Variants in MYPN observed in about 807,000 individuals in gnomAD.
MYPN encodes the protein myopalladin.
A neutral mutation model predicts 129.4 loss-of-function variants in MYPN; 63 were observed. The observed-to-expected ratio is 0.49, with a 90% CI of 0.40 to 0.60. MYPN has a LOEUF of 0.60. Among genes scored for constraint, MYPN ranks in the 20% least tolerant of loss-of-function variants. The pLI is 0.00. For missense variants in MYPN, 1,596 were observed against 1,635.4 expected (o/e 0.98, Z 0.42); for synonymous variants, 629 against 600.9 (o/e 1.05, Z -0.68).
intron 1 of MYPN, among the ~76,000 whole-genome samples, chr10:68,096,583 A>G (rs903562028): frequency 6.6e-6 from 1 of 152,194 alleles, no homozygotes; most frequent in African/African-American, 2.4e-5. Context: ...AGTATTATTA[A>G]TAATATTTGG....
intron 2 of MYPN, among the ~76,000 whole-genome samples, chr10:68,133,610 CAT>C (rs2042443479): frequency 6.6e-6 from 1 of 151,908 alleles, no homozygotes; most frequent in South Asian, 2.1e-4. Context: ...ACTGTTGCAG[CAT>C]AAGGAACTCT....
At chr10:68,165,612 A>G (rs906370681) in intron 8 of MYPN, 90 bp from the exon 9 acceptor site, 39 of 990,364 alleles carry the variant, frequency 3.9e-5, no homozygotes, top group Non-Finnish European at 5.7e-5. Flanking sequence ...TTTTATATTG[A>G]CTTTGTAGAA....
chr10:68,198,133 T>G (rs2043642197), intron 16 of MYPN, among the ~76,000 whole-genome samples: 1 of 152,244 alleles, frequency 6.6e-6, no homozygotes, highest in South Asian at 2.1e-4. Flanking sequence ...CTAAGCCTTT[T>G]AAGAATTCTA....
chr10:68,185,991 G>C (rs1291051600), intron 12 of MYPN, among the ~76,000 whole-genome samples: 2 of 152,156 alleles, frequency 1.3e-5, no homozygotes, highest in African/African-American at 4.8e-5. Flanking sequence ...CTACAAAAAT[G>C]TCAGTTTCAC....
intron 8 of MYPN, among the ~76,000 whole-genome samples, chr10:68,164,378 C>T (rs763093697): frequency 6.6e-6 from 1 of 152,200 alleles, no homozygotes; most frequent in African/African-American, 2.4e-5. Context: ...AGGGCAGAGG[C>T]ATCATGACCT....
rs746974707 is a variant in MYPN at position 68,211,960 on chromosome 10, T to A, written c.*1505T>A. The A allele has an allele frequency of 2.7e-6, 1 of 367,432 alleles. No individual in the cohort carries two copies. The highest frequency in any genetic ancestry group is 2.0e-5 in the South Asian group (1 of 49,210). The allele number at this position is 367,432 out of a possible 1,614,324, so 22.8% of individuals were successfully genotyped here. On this transcript the variant is annotated 3_prime_UTR_variant, in exon 20 of 20. Coordinates refer to ENST00000358913, the MANE Select transcript of MYPN (RefSeq NM_032578.4). ...GTAACTGCTTAGAAAGGCTTGAAACTGTCTTCACTTCAAGGCAAGGATTTC... is the reference window on the plus strand; with the variant it reads ...GTAACTGCTTAGAAAGGCTTGAAACAGTCTTCACTTCAAGGCAAGGATTTC...
At chr10:68,146,766 T>C (rs1283164876) in intron 4 of MYPN, among the ~76,000 whole-genome samples, 1 of 152,202 alleles carries the variant, frequency 6.6e-6, no homozygotes, top group Non-Finnish European at 1.5e-5. Context: ...AGGTCATCTC[T>C]CTTAAAATGC....
intron 2 of MYPN, among the ~76,000 whole-genome samples, chr10:68,135,797 G>C (rs894563379): frequency 6.6e-6 from 1 of 152,154 alleles, no homozygotes; most frequent in Non-Finnish European, 1.5e-5. Context: ...AAACAAATGA[G>C]ATAATTTTAG....
chr10:68,118,885 G>GGAAGGAAGGAAT (rs935383936), intron 1 of MYPN, among the ~76,000 whole-genome samples: 2 of 105,656 alleles, frequency 1.9e-5, no homozygotes, highest in African/African-American at 7.4e-5. Flanking sequence ...GATGAAGGAA[G>GGAAGGAAGGAAT]GAAGGAAGGA....
At chr10:68,184,145 A>G (rs2043383326) in intron 12 of MYPN, among the ~76,000 whole-genome samples, 1 of 152,142 alleles carries the variant, frequency 6.6e-6, no homozygotes, top group African/African-American at 2.4e-5. Flanking sequence ...TCATCCATCA[A>G]GTTTTTCTTT....
chr10:68,195,368 G>A lies in MYPN; in HGVS notation c.3076-82G>A, dbSNP rs927572499. The A allele has an allele frequency of 1.3e-4, 169 of 1,310,358 alleles. 1 individual carries two copies. In the East Asian group the frequency reaches 3.8e-3, roughly 30 times the overall value. The allele number at this position is 1,310,358 out of a possible 1,614,324, so 81.2% of individuals were successfully genotyped here. ...CTCATAATAGCCAAAATTTCACGGT[G>A]TTCTGGTCCAGAAATTTTTATGTAA... On this transcript the variant is annotated intron_variant, in intron 14 of 19. Coordinates refer to ENST00000358913, the MANE Select transcript of MYPN (RefSeq NM_032578.4).
chr10:68,135,514 T>A (rs1353409934), intron 2 of MYPN: 1 of 984,288 alleles, frequency 1.0e-6, no homozygotes, highest in African/African-American at 1.7e-5. Flanking sequence ...GCTGGAAATG[T>A]GAGTAAGCAA....
chr10:68,142,291 TA>T (rs1467880936), intron 2 of MYPN, among the ~76,000 whole-genome samples: 6 of 152,228 alleles, frequency 3.9e-5, no homozygotes, highest in Admixed American at 3.9e-4. Context: ...AACATTATTT[TA>T]TATAGTATTT....
rs755677726 is a variant in MYPN at position 68,122,351 on chromosome 10, CCCATTGGTAATGCTG to C, written c.902+12_902+26del. 1.2e-6 allele frequency: 2 copies of C among 1,612,116 alleles called. No individual in the cohort carries two copies. Among genetic ancestry groups the C allele is most frequent in the South Asian group, 2.2e-5 (2 of 90,964 alleles). On this transcript the variant is annotated intron_variant, in intron 2 of 19. Coordinates refer to ENST00000358913, the MANE Select transcript of MYPN (RefSeq NM_032578.4). ...ACCACCTCAAGTAAGGTAAAAATGT[CCCATTGGTAATGCTG>C]AGTAATGTTGCTTTCCATCTACCAT...
chr10:68,116,692 T>C (rs1230571137), intron 1 of MYPN, among the ~76,000 whole-genome samples: 1 of 151,300 alleles, frequency 6.6e-6, no homozygotes, highest in Non-Finnish European at 1.5e-5. Context: ...GCTGAGATCG[T>C]GCCATTGCAC....
At chr10:68,182,449 TAAC>T (rs1564687238) in intron 12 of MYPN, among the ~76,000 whole-genome samples, 7 of 112,264 alleles carry the variant, frequency 6.2e-5, no homozygotes, top group African/African-American at 2.5e-4. Context: ...AACATATATA[TAAC>T]ATATATATAT....
intron 2 of MYPN, among the ~76,000 whole-genome samples, chr10:68,129,270 A>C (rs2042373517): frequency 6.6e-6 from 1 of 152,196 alleles, no homozygotes. Flanking sequence ...TAGTCTCTCT[A>C]TGTATGTTTG....
chr10:68,193,715 A>G (rs977985798), intron 13 of MYPN, among the ~76,000 whole-genome samples: 1 of 150,836 alleles, frequency 6.6e-6, no homozygotes, highest in African/African-American at 2.4e-5. Flanking sequence ...AGCTGTAACC[A>G]GCACTTTATC....
chr10:68,132,128 C>G (rs142874788), intron 2 of MYPN, among the ~76,000 whole-genome samples: 5 of 152,200 alleles, frequency 3.3e-5, no homozygotes, highest in African/African-American at 1.2e-4. Flanking sequence ...CTTTCTAGCT[C>G]TATAATAACA....
Sources: gnomAD v4.1 joint callset for allele counts (sites outside exome capture counted in the v4.1 genomes callset) on GRCh38, gnomAD v4.1.1 for gene constraint, MANE v1.5 for transcripts, NCBI Gene and HGNC (gene_info 2026-07-23, HGNC 2026-07-21) for gene names.